Variants in RPH3A observed in about 807,000 individuals in gnomAD.
RPH3A encodes rabphilin 3A.
In RPH3A, 48 loss-of-function variants were observed where a neutral mutation model predicts 102.2. That is an observed-to-expected ratio of 0.47 (90% CI 0.37 to 0.60). The LOEUF is 0.60. Among genes scored for constraint, RPH3A ranks in the 20% least tolerant of loss-of-function variants. The pLI is 0.00. For missense variants in RPH3A, 781 were observed against 910.1 expected, an observed-to-expected ratio of 0.86 and a Z score of 1.83; for synonymous variants, 310 against 324.3, an observed-to-expected ratio of 0.96 and a Z score of 0.47.
chr12:112,817,912 T>C (rs568439160), intron 2 of RPH3A, among the ~76,000 whole-genome samples: 2 of 152,316 alleles, frequency 1.3e-5, no homozygotes, highest in Admixed American at 1.3e-4. Flanking sequence ...TTGGAATCCC[T>C]GTTTGCTGCA....
chr12:112,664,265 A>G (rs1324539048), intron 1 of RPH3A, among the ~76,000 whole-genome samples: 1 of 152,154 alleles, frequency 6.6e-6, no homozygotes, highest in East Asian at 1.9e-4. Flanking sequence ...GGAAGAAGGC[A>G]GAGGACTTTA....
At chr12:112,747,292 C>T (rs2040755282) in intron 1 of RPH3A, among the ~76,000 whole-genome samples, 1 of 152,108 alleles carries the variant, frequency 6.6e-6, no homozygotes, top group African/African-American at 2.4e-5. Flanking sequence ...ATGAAAGAGG[C>T]CCAAGAGAGA....
Position 112,870,045 on chromosome 12 carries a change from C to T in RPH3A, c.796+6C>T. On this transcript the variant is annotated splice_donor_region_variant and intron_variant, in intron 10 of 21. Coordinates refer to ENST00000389385, the MANE Select transcript of RPH3A (RefSeq NM_001143854.2). Reference sequence around the variant, plus strand: ...CTCCAGCCGGAGCCCAGCAGGTGAGCAAGATGGGCAAATCCAGAGACAGTT... The same window carrying T: ...CTCCAGCCGGAGCCCAGCAGGTGAGTAAGATGGGCAAATCCAGAGACAGTT... The T allele has an allele frequency of 6.2e-7, 1 of 1,607,448 alleles. No homozygotes were observed. Among genetic ancestry groups the T allele is most frequent in the Non-Finnish European group, 8.5e-7 (1 of 1,177,604 alleles).
At chr12:112,619,104 T>C (rs2039702094) in intron 1 of RPH3A, among the ~76,000 whole-genome samples, 1 of 152,326 alleles carries the variant, frequency 6.6e-6, no homozygotes, top group South Asian at 2.1e-4. Flanking sequence ...TGTTCCTCAG[T>C]TGATAGACAT....
intron 2 of RPH3A, among the ~76,000 whole-genome samples, chr12:112,802,080 C>A (rs540388277): frequency 2.6e-4 from 40 of 152,204 alleles, no homozygotes; most frequent in Non-Finnish European, 5.4e-4. Flanking sequence ...TTTTTCTCTG[C>A]GCTGGCCAGC....
intron 2 of RPH3A, among the ~76,000 whole-genome samples, chr12:112,797,431 T>C (rs1593009799): frequency 6.6e-6 from 1 of 152,032 alleles, no homozygotes; most frequent in Non-Finnish European, 1.5e-5. Flanking sequence ...TTACATTCTG[T>C]TGGGGGGTAA....
chr12:112,805,894 T>C (rs987916286), intron 2 of RPH3A, among the ~76,000 whole-genome samples: 1 of 152,230 alleles, frequency 6.6e-6, no homozygotes, highest in Non-Finnish European at 1.5e-5. Flanking sequence ...ACAATGTTCA[T>C]ATTTTCCCAA....
intron 1 of RPH3A, among the ~76,000 whole-genome samples, chr12:112,592,554 C>T (rs551866448): frequency 5.3e-5 from 8 of 152,154 alleles, no homozygotes; most frequent in Non-Finnish European, 1.2e-4. Flanking sequence ...CCTGACCTCA[C>T]GTGATCTGCC....
At chr12:112,693,236 T>C (rs954274636) in intron 1 of RPH3A, among the ~76,000 whole-genome samples, 1 of 152,254 alleles carries the variant, frequency 6.6e-6, no homozygotes, top group Admixed American at 6.5e-5. Flanking sequence ...TTGTGACCCA[T>C]TGGATGGTAT....
chr12:112,743,060 C>T (rs549507925), intron 1 of RPH3A, among the ~76,000 whole-genome samples: 1 of 152,242 alleles, frequency 6.6e-6, no homozygotes, highest in Non-Finnish European at 1.5e-5. Flanking sequence ...AAATCTCCCT[C>T]TGCCTCTGTC....
chr12:112,746,122 C>T (rs923562506), intron 1 of RPH3A, among the ~76,000 whole-genome samples: 2 of 151,982 alleles, frequency 1.3e-5, no homozygotes, highest in African/African-American at 4.8e-5. Context: ...CCTCCTTTTC[C>T]TCCCTTTTTC....
intron 1 of RPH3A, among the ~76,000 whole-genome samples, chr12:112,618,822 C>T (rs1267841611): frequency 6.6e-6 from 1 of 152,190 alleles, no homozygotes; most frequent in Non-Finnish European, 1.5e-5. Context: ...TTGGTCTCTC[C>T]TAAAAGAAAC....
At chr12:112,837,118 C>A (rs768323137) in intron 4 of RPH3A, among the ~76,000 whole-genome samples, 1 of 152,184 alleles carries the variant, frequency 6.6e-6, no homozygotes, top group Non-Finnish European at 1.5e-5. Flanking sequence ...TCTTCAGTTG[C>A]GTGCACACAT....
Position 112,865,428 on chromosome 12 carries a change from G to T in RPH3A, c.245G>T (p.Arg82Leu). The T allele has an allele frequency of 1.2e-6, 2 of 1,613,916 alleles. No homozygotes were observed. The highest frequency in any genetic ancestry group is 1.7e-6 in the Non-Finnish European group (2 of 1,179,946). Residue 82 changes from arginine (R) to leucine (L), a missense_variant, in exon 6 of 22, where the codon CGC becomes CTC. Physicochemically the swap from Arg to Leu is moderately radical, Grantham distance 102. Around this residue, in one of 2 missense-constraint regions of RPH3A, gnomAD observed 730 missense variants for 810.0 expected, o/e 0.90. Coordinates refer to ENST00000389385, the MANE Select transcript of RPH3A (RefSeq NM_001143854.2). ...TCTGCTTCCAGACGCCTGGTGGACC[G>T]CCTAGAAAACATGAGGAAGAACGTG... ...EQERIGRLVD[R>L]LENMRKNVAG...
At chr12:112,677,629 G>A (rs1259574731) in intron 1 of RPH3A, among the ~76,000 whole-genome samples, 3 of 151,592 alleles carry the variant, frequency 2.0e-5, no homozygotes, top group East Asian at 1.9e-4. Flanking sequence ...GGATGACCTC[G>A]AATAGGTTGT....
intron 2 of RPH3A, among the ~76,000 whole-genome samples, chr12:112,827,202 C>A (rs537371456): frequency 6.6e-6 from 1 of 152,172 alleles, no homozygotes; most frequent in Non-Finnish European, 1.5e-5. Flanking sequence ...TACAAAGAAA[C>A]GCTGCACCCC....
chr12:112,612,726 A>G (rs1210412857), intron 1 of RPH3A, among the ~76,000 whole-genome samples: 2 of 151,254 alleles, frequency 1.3e-5, no homozygotes, highest in Non-Finnish European at 2.9e-5. Context: ...TGCCATGCCC[A>G]GCTAATTTTT....
chr12:112,853,435 T>C (rs905289262), intron 5 of RPH3A, among the ~76,000 whole-genome samples: 2 of 152,304 alleles, frequency 1.3e-5, no homozygotes, highest in South Asian at 2.1e-4. Context: ...CCCTCCAGTG[T>C]TGGGGATTAT....
chr12:112,758,617 T>G (rs887599663), intron 1 of RPH3A, among the ~76,000 whole-genome samples: 1 of 152,208 alleles, frequency 6.6e-6, no homozygotes, highest in Non-Finnish European at 1.5e-5. Flanking sequence ...ACTACCATAA[T>G]TTTACCAATA....
Sources: gnomAD v4.1 joint callset for allele counts (sites outside exome capture counted in the v4.1 genomes callset) on GRCh38, gnomAD v4.1.1 for gene constraint, gnomAD v4.1.1 regional missense constraint, MANE v1.5 for transcripts, NCBI Gene and HGNC (gene_info 2026-07-23, HGNC 2026-07-21) for gene names.